Variants in SOS1 observed in about 807,000 individuals in gnomAD.
SOS1 encodes SOS Ras/Rac guanine nucleotide exchange factor 1.
In SOS1, 25 loss-of-function variants were observed where a neutral mutation model predicts 157.6. That is an observed-to-expected ratio of 0.16 (90% CI 0.12 to 0.22). The LOEUF (loss-of-function observed/expected upper bound fraction) is 0.22. SOS1 is among the 10% of genes least tolerant of loss of function. SOS1 has a pLI of 1.00. For synonymous variants in SOS1, 528 were observed against 534.0 expected, an observed-to-expected ratio of 0.99 and a Z score of 0.16; for missense variants, 1,237 against 1,599.1, an observed-to-expected ratio of 0.77 and a Z score of 3.86.
At chr2:38,988,958 T>TTC (rs1553349960) in intron 21 of SOS1, among the ~76,000 whole-genome samples, 2 of 151,582 alleles carry the variant, frequency 1.3e-5, no homozygotes, top group African/African-American at 2.4e-5. Flanking sequence ...TTTTTTTTTT[T>TTC]CAAAGTTGAG....
intron 15 of SOS1, among the ~76,000 whole-genome samples, chr2:39,009,581 A>G (rs1325279555): frequency 6.6e-6 from 1 of 152,254 alleles, no homozygotes; most frequent in African/African-American, 2.4e-5. Flanking sequence ...GAAATGTAAT[A>G]TATTTGTAAT....
chr2:39,059,850 T>C (rs1171966376), intron 2 of SOS1, among the ~76,000 whole-genome samples: 1 of 152,134 alleles, frequency 6.6e-6, no homozygotes, highest in Admixed American at 6.5e-5. Context: ...TAAGTCAGCT[T>C]CCAAATAAAG....
At chr2:39,099,287 T>C (rs770977250) in intron 1 of SOS1, among the ~76,000 whole-genome samples, 2 of 152,226 alleles carry the variant, frequency 1.3e-5, no homozygotes, top group Non-Finnish European at 2.9e-5. Context: ...GAAGTACTGA[T>C]ACATGCTAAA....
intron 17 of SOS1, among the ~76,000 whole-genome samples, chr2:39,005,806 G>A (rs1183834179): frequency 6.6e-6 from 1 of 151,968 alleles, no homozygotes; most frequent in African/African-American, 2.4e-5. Context: ...GATCATCAGA[G>A]CATATACTCA....
At chr2:39,075,668 A>T (rs1012915205) in intron 1 of SOS1, among the ~76,000 whole-genome samples, 47 of 151,890 alleles carry the variant, frequency 3.1e-4, no homozygotes, top group African/African-American at 1.1e-3. Flanking sequence ...TTAAATTAAA[A>T]AAATAAAAAA....
At chr2:39,103,906 T>C (rs1255001016) in intron 1 of SOS1, among the ~76,000 whole-genome samples, 1 of 152,224 alleles carries the variant, frequency 6.6e-6, no homozygotes, top group East Asian at 1.9e-4. Flanking sequence ...AATCATATAT[T>C]GGATAAAGGT....
At chr2:39,122,756 G>T (rs146846795), upstream of SOS1, among the ~76,000 whole-genome samples, 779 of 152,124 alleles carry the variant, frequency 5.1e-3, 13 homozygotes, top group African/African-American at 0.018. Flanking sequence ...GTATTGGCCA[G>T]GCTGGTCTCG....
rs950195945 is a variant in SOS1 at position 39,120,484 on chromosome 2, G to C, written c.-62C>G. The C allele has an allele frequency of 1.3e-5, 19 of 1,434,740 alleles. No homozygotes were observed. Among genetic ancestry groups the C allele is most frequent in the East Asian group, 5.9e-5 (2 of 34,024 alleles). The allele number at this position is 1,434,740 out of a possible 1,614,324, so 88.9% of individuals were successfully genotyped here. A position where few individuals can be genotyped will look rare whatever the true frequency, so the allele number is the denominator to read the frequency against. ...GGCGGCGGCCGGGCCAGGGAGCCGC[G>C]AGAGGGCGAGCTCGCAGCGCGGAAC... On this transcript the variant is annotated 5_prime_UTR_variant, in exon 1 of 23. Transcript: ENST00000402219.
intron 2 of SOS1, among the ~76,000 whole-genome samples, chr2:39,064,995 T>C (rs555736459): frequency 6.6e-6 from 1 of 151,860 alleles, no homozygotes; most frequent in Non-Finnish European, 1.5e-5. Flanking sequence ...CAACCTTAGG[T>C]TATCCGCCTG....
At chr2:39,035,977 A>C (rs909161187) in intron 6 of SOS1, among the ~76,000 whole-genome samples, 1 of 152,224 alleles carries the variant, frequency 6.6e-6, no homozygotes, top group Non-Finnish European at 1.5e-5. Context: ...ATTCATTGTG[A>C]TAATTTCACA....
intron 4 of SOS1, among the ~76,000 whole-genome samples, 167 bp downstream of exon 4, chr2:39,056,535 A>G (rs1043307593): frequency 3.3e-5 from 5 of 152,244 alleles, no homozygotes; most frequent in Admixed American, 6.5e-5. Context: ...AATATTATAT[A>G]TCTAATGTCT....
intron 5 of SOS1, among the ~76,000 whole-genome samples, chr2:39,053,402 T>C (rs1235389967): frequency 6.6e-6 from 1 of 152,142 alleles, no homozygotes; most frequent in Non-Finnish European, 1.5e-5. Context: ...GCCATTTTGG[T>C]TCTTGATTTT....
intron 15 of SOS1, among the ~76,000 whole-genome samples, chr2:39,008,763 G>A (rs998663452): frequency 5.3e-5 from 8 of 152,142 alleles, no homozygotes; most frequent in Middle Eastern, 3.2e-3. Context: ...TTTCATAGCT[G>A]GGTGTGTGTG....
rs1193914773 is a variant in SOS1 at position 39,120,529 on chromosome 2, A to T, written c.-107T>A. On this transcript the variant is annotated 5_prime_UTR_variant, in exon 1 of 23. Transcript: ENST00000402219. ...CGGAACAGGGCCGCGGCCCCACCGGACGGCCCGGCCCCCTCCGGGCGCCGC... is the reference window on the plus strand; with the variant it reads ...CGGAACAGGGCCGCGGCCCCACCGGTCGGCCCGGCCCCCTCCGGGCGCCGC... 8.9e-7 allele frequency: 1 copy of T among 1,127,904 alleles called. No homozygotes were observed. The highest frequency in any genetic ancestry group is 1.1e-6 in the Non-Finnish European group (1 of 922,710). The allele number at this position is 1,127,904 out of a possible 1,614,324, so 69.9% of individuals were successfully genotyped here. A position where few individuals can be genotyped will look rare whatever the true frequency, so the allele number is the denominator to read the frequency against.
chr2:39,056,578 T>A (rs1671222220), intron 4 of SOS1, 124 bp downstream of exon 4: 1 of 705,694 alleles, frequency 1.4e-6, no homozygotes. Context: ...GAATCCCTAC[T>A]ATTAGGTTAC....
chr2:39,022,080 C>A (rs1181789872), intron 10 of SOS1, among the ~76,000 whole-genome samples: 1 of 151,494 alleles, frequency 6.6e-6, no homozygotes, highest in East Asian at 1.9e-4. Context: ...AACTGGAATC[C>A]TTGGCTTCCA....
chr2:38,993,698 A>G (rs1442890363), intron 20 of SOS1: 1 of 152,246 alleles, frequency 6.6e-6, no homozygotes, highest in Non-Finnish European at 1.5e-5. Flanking sequence ...AAAGCTAATT[A>G]GCAGACTGGG....
intron 6 of SOS1, among the ~76,000 whole-genome samples, chr2:39,040,476 A>C (rs577647634): frequency 3.3e-5 from 5 of 152,320 alleles, no homozygotes; most frequent in African/African-American, 1.2e-4. Context: ...TCCATTAAAC[A>C]GTAACTGATC....
chr2:39,062,878 G>A (rs1458166127), intron 2 of SOS1, among the ~76,000 whole-genome samples: 2 of 151,852 alleles, frequency 1.3e-5, no homozygotes, highest in African/African-American at 4.8e-5. Flanking sequence ...ATAAAAGAGG[G>A]AAAGAAATAG....
Sources: allele counts gnomAD v4.1 joint callset (sites outside exome capture counted in the v4.1 genomes callset), GRCh38; gene constraint gnomAD v4.1.1; transcripts MANE v1.5; gene names NCBI Gene and HGNC (gene_info 2026-07-23, HGNC 2026-07-21).